Variants in UBE4B observed in about 807,000 individuals in gnomAD.
UBE4B encodes the protein ubiquitin conjugation factor E4 B.
Under a neutral mutation model 148.1 loss-of-function variants are expected in UBE4B, and 27 were observed. The ratio of observed to expected loss-of-function variants is 0.18; its 90% CI spans 0.13 to 0.25. The LOEUF (loss-of-function observed/expected upper bound fraction) is 0.25. UBE4B is among the 10% of genes least tolerant of loss of function. The probability of loss-of-function intolerance (pLI) is 1.00; values close to 1 mark genes in which losing one functional copy is unlikely to be tolerated. For missense variants in UBE4B, 1,170 were observed against 1,662.4 expected (o/e 0.70, Z 5.15); for synonymous variants, 596 against 619.3 (o/e 0.96, Z 0.56).
At position 10,108,012 on chromosome 1, in the gene UBE4B, C is replaced by T. The variant is rs937079166; in HGVS notation, c.1196+1429C>T. Among the ~76,000 whole-genome samples the T allele has an allele frequency of 4.6e-5, 7 of 152,180 alleles. No homozygotes were observed. In the East Asian group the frequency reaches 1.2e-3, roughly 25 times the overall value. On this transcript the variant is annotated intron_variant, in intron 7 of 27. Transcript: ENST00000343090. ...TTTAGATCTAAAATGAGGGACCCTT[C>T]ATTTATCTATTGCGAGAATGTTATT...
chr1:10,171,892 ATAAG>A (rs768357514), intron 25 of UBE4B, among the ~76,000 whole-genome samples: 28 of 152,258 alleles, frequency 1.8e-4, no homozygotes, highest in African/African-American at 3.4e-4. Flanking sequence ...AAATAAATAA[ATAAG>A]TAAGTAAGTA....
At chr1:10,121,702 T>G (rs1194226015) in intron 9 of UBE4B, among the ~76,000 whole-genome samples, 1 of 152,142 alleles carries the variant, frequency 6.6e-6, no homozygotes, top group Non-Finnish European at 1.5e-5. Context: ...CCATGCTTCC[T>G]TTTTTCAGTG....
At chr1:10,170,479 C>G (rs897116161) in intron 24 of UBE4B, among the ~76,000 whole-genome samples, 7 of 152,330 alleles carry the variant, frequency 4.6e-5, no homozygotes, top group Middle Eastern at 3.4e-3. Flanking sequence ...CTTCCTGTTT[C>G]AGGTTTGCTT....
rs762423683 is a variant in UBE4B at position 10,145,005 on chromosome 1, G to A, written c.2429G>A (p.Arg810His). 44 of 1,613,548 alleles carry A rather than the reference G, an allele frequency of 2.7e-5. No homozygotes were observed. Among genetic ancestry groups the A allele is most frequent in the African/African-American group, 6.7e-5 (5 of 74,844 alleles). ...WKDSPLATRH[R>H]EMLKRCKTQL... The stretch of plus-strand genomic sequence containing the variant: ...GATTCCCCACTGGCAACTAGACACC[G>A]CGAAATGCTGAAGCGCTGTAAAACT... The change falls in exon 18 of 28, where the codon CGC (arginine) becomes CAC (histidine). Residue 810 changes from arginine to histidine, a missense_variant. This residue lies in a region of UBE4B where 388 missense variants were observed against 536.0 expected (regional missense o/e 0.72). Transcript: ENST00000343090.
At chr1:10,177,602 G>A (rs1009791498) in intron 25 of UBE4B, among the ~76,000 whole-genome samples, 57 of 152,236 alleles carry the variant, frequency 3.7e-4, no homozygotes, top group African/African-American at 1.3e-3. Flanking sequence ...GCTGCAGTGA[G>A]CCATGATTGC....
chr1:10,130,730 A>G lies in UBE4B; in HGVS notation c.1828A>G (p.Lys610Glu). Residue 610 changes from lysine (K) to glutamate (E), a missense_variant, in exon 14 of 28, where the codon AAA (lysine) becomes GAA (glutamate). By Grantham distance (56) the Lys-to-Glu change is moderately conservative. Coordinates refer to ENST00000343090, the MANE Select transcript of UBE4B (RefSeq NM_001105562.3). ...CTCTTTCCAGGTTAAAGTGGTTGAA[A>G]AATACTTCTCAGGGCCTGCCATTAC... ...FAEDDVKVVE[K>E]YFSGPAITLE... The G allele has an allele frequency of 6.2e-7, 1 of 1,614,190 alleles. No homozygotes were observed.
chr1:10,165,629 C>T (rs1025420531), intron 23 of UBE4B, among the ~76,000 whole-genome samples: 20 of 152,148 alleles, frequency 1.3e-4, no homozygotes, highest in Non-Finnish European at 2.8e-4. Context: ...ACTCACTCTA[C>T]CCCAGCCAGA....
chr1:10,111,117 A>T (rs1222554835), intron 7 of UBE4B, among the ~76,000 whole-genome samples: 2 of 143,564 alleles, frequency 1.4e-5, no homozygotes, highest in African/African-American at 5.3e-5. Flanking sequence ...ATCTATCCCT[A>T]AGATCCCCCA....
intron 1 of UBE4B, among the ~76,000 whole-genome samples, chr1:10,052,285 T>G (rs1248849381): frequency 6.6e-6 from 1 of 152,092 alleles, no homozygotes; most frequent in Non-Finnish European, 1.5e-5. Flanking sequence ...TTGCCCAGGC[T>G]GGTCTTGAAC....
Position 10,071,371 on chromosome 1 carries a change from C to T in UBE4B, c.25-657C>T, listed in dbSNP as rs138456258. Among the ~76,000 whole-genome samples the T allele has an allele frequency of 8.5e-3, 1,296 of 152,156 alleles. 14 individuals are homozygous for T. Among genetic ancestry groups the T allele is most frequent in the Admixed American group, 0.013 (204 of 15,282 alleles). On this transcript the variant is annotated intron_variant, in intron 1 of 27. Transcript: ENST00000343090. ...CCAAGGTGGGAGGATCACTTGGGGC[C>T]AGGAGGTTGAGACCAGCCTGGGCAA...
intron 1 of UBE4B, among the ~76,000 whole-genome samples, chr1:10,055,082 G>C (rs563111810): frequency 4.1e-4 from 63 of 152,118 alleles, no homozygotes; most frequent in African/African-American, 1.5e-3. Context: ...CACCGCACCC[G>C]GCGTGTTTTT....
In UBE4B at chr1:10,082,741, C is replaced by G. The variant is rs112229100; in HGVS notation, c.211+10527C>G. 4.8e-3 allele frequency among the ~76,000 whole-genome samples: 701 copies of G among 147,456 alleles called. 8 individuals carry two copies. Among genetic ancestry groups the G allele is most frequent in the African/African-American group, 0.017 (661 of 40,000 alleles). On this transcript the variant is annotated intron_variant, in intron 2 of 27. Transcript: ENST00000343090. ...TGCCATGGTGGTTTGCTGCACCTAT[C>G]AACTCATCATCTAGATTTTAAGCCT...
At chr1:10,152,915 C>T (rs2101991306) in intron 21 of UBE4B, among the ~76,000 whole-genome samples, 1 of 151,788 alleles carries the variant, frequency 6.6e-6, no homozygotes, top group Non-Finnish European at 1.5e-5. Context: ...ACCCAGCTGC[C>T]CTGATGAGGG....
intron 23 of UBE4B, among the ~76,000 whole-genome samples, chr1:10,165,985 G>A (rs1215396562): frequency 1.3e-5 from 2 of 152,172 alleles, no homozygotes; most frequent in African/African-American, 2.4e-5. Context: ...ACACATTTAG[G>A]TAGTTCACGC....
intron 2 of UBE4B, among the ~76,000 whole-genome samples, chr1:10,082,779 G>A (rs1392259407): frequency 1.3e-5 from 2 of 151,586 alleles, no homozygotes; most frequent in African/African-American, 2.4e-5. Flanking sequence ...CATGCATTAG[G>A]TATTTGTCCT....
At position 10,171,201 on chromosome 1, in the gene UBE4B, T is replaced by G; in HGVS notation, c.3397T>G (p.Cys1133Gly). 2 of 1,614,208 alleles carry G rather than the reference T, an allele frequency of 1.2e-6. No individual in the cohort carries two copies. Among genetic ancestry groups the G allele is most frequent in the Non-Finnish European group, 1.7e-6 (2 of 1,180,046 alleles). ...FNLQQLCGPK[C>G]RDLKVENPEK... ...TCTTCAGCAACTTTGTGGCCCCAAGTGCCGTGACCTGAAAGTTGAAAACCC... is the reference window on the plus strand; with the variant it reads ...TCTTCAGCAACTTTGTGGCCCCAAGGGCCGTGACCTGAAAGTTGAAAACCC... The change falls in exon 25 of 28, where the codon TGC becomes GGC. Residue 1133 changes from cysteine to glycine, a missense_variant. Transcript: ENST00000343090.
chr1:10,161,966 G>T lies in UBE4B; in HGVS notation c.3198+680G>T, dbSNP rs1646167488. 6.7e-6 allele frequency among the ~76,000 whole-genome samples: 1 copy of T among 150,036 alleles called. No homozygotes were observed. The highest frequency in any genetic ancestry group is 2.1e-4 in the South Asian group (1 of 4,784). On this transcript the variant is annotated intron_variant, in intron 23 of 27. Transcript: ENST00000343090. This position sits in a 1 kb window ranked among gnomAD's most constrained non-coding sequence, Gnocchi z 4.1. ...ACTGATTTCCATAAGGGGTTCTCAT[G>T]TCAAAGTGGGGACTGCTTTTTCTTC...
intron 7 of UBE4B, among the ~76,000 whole-genome samples, chr1:10,110,922 C>T (rs1036260685): frequency 6.6e-6 from 1 of 151,722 alleles, no homozygotes; most frequent in African/African-American, 2.4e-5. Flanking sequence ...TCTGAGCCCA[C>T]GAGTTAGAGG....
chr1:10,175,771 AAT>A (rs1160773285), intron 25 of UBE4B, among the ~76,000 whole-genome samples: 1 of 152,230 alleles, frequency 6.6e-6, no homozygotes, highest in African/African-American at 2.4e-5. Context: ...AACCTACCAG[AAT>A]ATGAGTCTGC....
Sources: gnomAD v4.1 joint callset for allele counts (sites outside exome capture counted in the v4.1 genomes callset) on GRCh38, gnomAD v4.1.1 for gene constraint, gnomAD v4.1.1 regional missense constraint, Gnocchi (gnomAD v3.1) non-coding constraint, MANE v1.5 for transcripts, NCBI Gene and HGNC (gene_info 2026-07-23, HGNC 2026-07-21) for gene names.